Variants in MYH11 observed in about 807,000 individuals in gnomAD.
MYH11 encodes the protein myosin-11.
Under a neutral mutation model 246.6 loss-of-function variants are expected in MYH11, and 80 were observed. The ratio of observed to expected loss-of-function variants is 0.32; its 90% CI spans 0.27 to 0.39. The LOEUF is 0.39. Ranked by LOEUF, MYH11 falls within the 10% of genes least tolerant of loss-of-function variation. The probability of loss-of-function intolerance (pLI) is 1.00; values close to 1 mark genes in which losing one functional copy is unlikely to be tolerated. For missense variants in MYH11, 2,158 were observed against 2,546.8 expected, an observed-to-expected ratio of 0.85 and a Z score of 3.29; for synonymous variants, 1,071 against 1,015.5, an observed-to-expected ratio of 1.05 and a Z score of -1.04.
intron 8 of MYH11, among the ~76,000 whole-genome samples, chr16:15,775,536 T>A (rs1465985231): frequency 3.3e-5 from 5 of 152,212 alleles, no homozygotes; most frequent in African/African-American, 1.2e-4. Context: ...ATGGCAGAGT[T>A]GAATAGCTGT....
At chr16:15,830,027 C>T (rs894713612) in intron 2 of MYH11, among the ~76,000 whole-genome samples, 1 of 152,044 alleles carries the variant, frequency 6.6e-6, no homozygotes, top group East Asian at 1.9e-4. Flanking sequence ...CCCAGCTACT[C>T]GGGAAGCTGA....
intron 8 of MYH11, among the ~76,000 whole-genome samples, chr16:15,772,559 T>C (rs900028271): frequency 6.6e-6 from 1 of 152,228 alleles, no homozygotes; most frequent in African/African-American, 2.4e-5. Flanking sequence ...AGCTGCTTTT[T>C]ATCTGGCAGT....
At chr16:15,810,832 T>G (rs1006068487) in intron 3 of MYH11, among the ~76,000 whole-genome samples, 1 of 152,196 alleles carries the variant, frequency 6.6e-6, no homozygotes, top group Non-Finnish European at 1.5e-5. Flanking sequence ...TTTAAGAGCT[T>G]GGTAATTGCC....
At chr16:15,716,102 AAAAAAT>A (rs759433793) in intron 38 of MYH11, among the ~76,000 whole-genome samples, 78 of 152,160 alleles carry the variant, frequency 5.1e-4, no homozygotes, top group Non-Finnish European at 8.7e-4. Context: ...CTATGTCTCA[AAAAAAT>A]AAAAATAAAA....
intron 4 of MYH11, among the ~76,000 whole-genome samples, chr16:15,792,931 G>A (rs2042648624): frequency 6.6e-6 from 1 of 151,978 alleles, no homozygotes; most frequent in African/African-American, 2.4e-5. Context: ...GAGGGGGTTT[G>A]GCCATGTTGG....
chr16:15,755,562 G>A (rs966777963), intron 14 of MYH11, among the ~76,000 whole-genome samples: 1 of 152,176 alleles, frequency 6.6e-6, no homozygotes, highest in African/African-American at 2.4e-5. Flanking sequence ...GCCGAGGCAG[G>A]GAGATCTCTT....
At chr16:15,708,104 A>G (rs967514341) in intron 40 of MYH11, among the ~76,000 whole-genome samples, 1 of 152,078 alleles carries the variant, frequency 6.6e-6, no homozygotes, top group African/African-American at 2.4e-5. Flanking sequence ...GCCTCCAGAA[A>G]AGGCTCTGCC....
Position 15,752,086 on chromosome 16 carries a change from G to A in MYH11, c.1864+1308C>T, listed in dbSNP as rs143137521. Among the ~76,000 whole-genome samples, 506 of 151,816 alleles carry A rather than the reference G, an allele frequency of 3.3e-3. 4 individuals are homozygous for A. The highest frequency in any genetic ancestry group is 0.011 in the African/African-American group (450 of 41,468). On this transcript the variant is annotated intron_variant, in intron 15 of 40. Transcript: ENST00000300036. Reference sequence around the variant, plus strand: ...AGATTACAGGTGTGAGCCACCATGCGCAGCCTCATGCTTGTCTCTCTGCTT... The same window carrying A: ...AGATTACAGGTGTGAGCCACCATGCACAGCCTCATGCTTGTCTCTCTGCTT...
chr16:15,753,406 G>A lies in MYH11; in HGVS notation c.1852C>T (p.Leu618=), dbSNP rs759239390. The change falls in exon 15 of 41, where the codon CTG becomes TTG. Residue 618 remains leucine (L), a synonymous_variant. Coordinates refer to ENST00000300036, the MANE Select transcript of MYH11 (RefSeq NM_002474.3). ...NASSDKFVAD[L]WKDVDRIVGL... ...GAGAAGGCCTTACCGTCCTTCCACA[G>A]GTCGGCCACAAACTTGTCGGAGGAG... 4.3e-6 allele frequency: 7 copies of A among 1,613,926 alleles called. No individual in the cohort carries two copies. Among genetic ancestry groups the A allele is most frequent in the Non-Finnish European group, 5.1e-6 (6 of 1,179,956 alleles).
intron 27 of MYH11, among the ~76,000 whole-genome samples, chr16:15,731,619 G>A (rs1420416948): frequency 2.0e-5 from 3 of 151,628 alleles, no homozygotes; most frequent in Non-Finnish European, 4.4e-5. Context: ...AGCCTCCCGA[G>A]TAGCTAAGAT....
At chr16:15,709,379 A>G (rs566925727) in intron 40 of MYH11, among the ~76,000 whole-genome samples, 6 of 151,672 alleles carry the variant, frequency 4.0e-5, no homozygotes, top group Non-Finnish European at 5.9e-5. Context: ...GGCATGATCT[A>G]TCTCTGCTCA....
chr16:15,788,625 T>C (rs1434766075), intron 4 of MYH11, among the ~76,000 whole-genome samples: 1 of 152,208 alleles, frequency 6.6e-6, no homozygotes, highest in Admixed American at 6.5e-5. Context: ...AAGTGTCTGA[T>C]GGCCAAGAAT....
At chr16:15,794,427 G>A (rs1484123762) in intron 4 of MYH11, among the ~76,000 whole-genome samples, 1 of 152,204 alleles carries the variant, frequency 6.6e-6, no homozygotes, top group Admixed American at 6.5e-5. Flanking sequence ...TGGTGGTTCT[G>A]GGCTGACTGG....
At chr16:15,825,098 C>T (rs954116511) in intron 2 of MYH11, among the ~76,000 whole-genome samples, 2 of 152,062 alleles carry the variant, frequency 1.3e-5, no homozygotes, top group African/African-American at 2.4e-5. Flanking sequence ...AAGCCAGGCA[C>T]GAAAAGTCAC....
chr16:15,730,653 T>C (rs1317927891), intron 27 of MYH11, among the ~76,000 whole-genome samples: 1 of 152,168 alleles, frequency 6.6e-6, no homozygotes, highest in Non-Finnish European at 1.5e-5. Flanking sequence ...TTTTAGGCAA[T>C]GCTGCACCCA....
At chr16:15,731,540 G>A (rs1444537573) in intron 27 of MYH11, among the ~76,000 whole-genome samples, 1 of 151,020 alleles carries the variant, frequency 6.6e-6, no homozygotes, top group Non-Finnish European at 1.5e-5. Context: ...CGCCCAGACT[G>A]GAGTGCAGTA....
At chr16:15,808,767 C>A (rs2043072128) in intron 3 of MYH11, among the ~76,000 whole-genome samples, 1 of 152,048 alleles carries the variant, frequency 6.6e-6, no homozygotes, top group Non-Finnish European at 1.5e-5. Context: ...GAGGTGTGTG[C>A]CTGTAGCCCC....
intron 3 of MYH11, among the ~76,000 whole-genome samples, chr16:15,799,454 G>A (rs1453648003): frequency 6.6e-6 from 1 of 152,134 alleles, no homozygotes. Flanking sequence ...GCAACTGTGA[G>A]CTCCTCCATA....
At chr16:15,834,423 G>A (rs1387886737) in intron 2 of MYH11, among the ~76,000 whole-genome samples, 1 of 151,936 alleles carries the variant, frequency 6.6e-6, no homozygotes, top group East Asian at 1.9e-4. Flanking sequence ...CTACTCGGGA[G>A]GCTGAAGCAG....
Sources: allele counts gnomAD v4.1 joint callset (sites outside exome capture counted in the v4.1 genomes callset), GRCh38; gene constraint gnomAD v4.1.1; transcripts MANE v1.5; gene names NCBI Gene and HGNC (gene_info 2026-07-23, HGNC 2026-07-21).